CTNNA2: variants seen among roughly 807,000 people sequenced by gnomAD.
CTNNA2 encodes the protein catenin alpha 2.
CTNNA2 carries 42 observed loss-of-function variants against 101.0 expected under a neutral mutation model. The ratio of observed to expected loss-of-function variants is 0.42; its 90% CI spans 0.32 to 0.54. CTNNA2 has a LOEUF of 0.54. CTNNA2 is among the 20% of genes least tolerant of loss of function. The pLI, the probability that CTNNA2 is intolerant of heterozygous loss-of-function variation, is 0.14. For missense variants in CTNNA2, 871 were observed against 1,223.1 expected, an observed-to-expected ratio of 0.71 and a Z score of 4.29; for synonymous variants, 450 against 456.4, an observed-to-expected ratio of 0.99 and a Z score of 0.18.
intron 4 of CTNNA2, among the ~76,000 whole-genome samples, chr2:79,430,934 T>C (rs761787428): frequency 5.9e-5 from 9 of 152,194 alleles, no homozygotes; most frequent in Non-Finnish European, 1.2e-4. Context: ...AAAATTGTTG[T>C]ATTTTATTAC....
intron 1 of CTNNA2, among the ~76,000 whole-genome samples, chr2:79,602,754 G>T (rs919789171): frequency 3.9e-5 from 6 of 152,010 alleles, no homozygotes; most frequent in Non-Finnish European, 8.8e-5. Context: ...GCTAGCAAAA[G>T]TTTCATAAGA....
chr2:79,529,127 G>A (rs1324940339), intron 1 of CTNNA2, among the ~76,000 whole-genome samples: 1 of 152,164 alleles, frequency 6.6e-6, no homozygotes, highest in South Asian at 2.1e-4. Flanking sequence ...GGGAAAGCAT[G>A]AAGGTAGGAA....
chr2:79,687,625 T>A (rs961641658), intron 2 of CTNNA2: 34 of 684,012 alleles, frequency 5.0e-5, no homozygotes, highest in Non-Finnish European at 8.8e-5. Context: ...TTGCTGACTG[T>A]CATCTTGAAA....
chr2:79,963,900 C>T (rs1000906741), intron 7 of CTNNA2, among the ~76,000 whole-genome samples: 4 of 152,154 alleles, frequency 2.6e-5, no homozygotes, highest in Non-Finnish European at 5.9e-5. Context: ...GATGTCTAGC[C>T]ATGTTTCTAT....
intron 7 of CTNNA2, among the ~76,000 whole-genome samples, chr2:80,277,934 A>G (rs571204265): frequency 1.9e-3 from 283 of 152,200 alleles, no homozygotes; most frequent in African/African-American, 6.5e-3. Context: ...GGTTAAGCCA[A>G]CCTAATTCTT....
chr2:79,274,773 G>T (rs949202865), intron 2 of CTNNA2, among the ~76,000 whole-genome samples: 2 of 152,034 alleles, frequency 1.3e-5, no homozygotes, highest in South Asian at 4.1e-4. Flanking sequence ...TTTAAGCAAT[G>T]CAATATTGTT....
At chr2:79,244,044 G>A (rs1248187051) in intron 2 of CTNNA2, among the ~76,000 whole-genome samples, 1 of 152,144 alleles carries the variant, frequency 6.6e-6, no homozygotes. Context: ...TTTCACTGCT[G>A]TTTTATGCCC....
intron 6 of CTNNA2, among the ~76,000 whole-genome samples, chr2:79,908,583 C>T (rs942079361): frequency 1.3e-5 from 2 of 152,216 alleles, no homozygotes; most frequent in African/African-American, 2.4e-5. Context: ...CTAGACTTCA[C>T]ACAGTTAATG....
intron 3 of CTNNA2, among the ~76,000 whole-genome samples, chr2:79,794,913 C>T (rs1334517598): frequency 6.6e-6 from 1 of 152,116 alleles, no homozygotes; most frequent in African/African-American, 2.4e-5. Flanking sequence ...TTTTCATGTC[C>T]TATACCGGAA....
intron 2 of CTNNA2, among the ~76,000 whole-genome samples, chr2:79,696,619 C>A (rs543062201): frequency 6.6e-6 from 1 of 152,144 alleles, no homozygotes; most frequent in South Asian, 2.1e-4. Flanking sequence ...CCAGCACTTA[C>A]AATCTCACAT....
At position 79,769,310 on chromosome 2, in the gene CTNNA2, AG is replaced by A. The variant is rs1673405988; in HGVS notation, c.298+24731del. 2.0e-5 allele frequency among the ~76,000 whole-genome samples: 3 copies of A among 152,080 alleles called. No homozygotes were observed. The South Asian group carries it at 6.2e-4, about 32-fold the overall frequency. On this transcript the variant is annotated intron_variant, in intron 3 of 18. Transcript: ENST00000402739. ...GGGCATATTTGATCTTGAAAAATGG[AG>A]GGTCACTTAATCAATGCATTTTCCT...
chr2:80,457,523 C>G (rs983568782), intron 9 of CTNNA2, among the ~76,000 whole-genome samples: 1 of 152,014 alleles, frequency 6.6e-6, no homozygotes, highest in African/African-American at 2.4e-5. Flanking sequence ...ATACAATACA[C>G]TGTCTATATT....
chr2:79,292,877 C>G (rs139055791), intron 2 of CTNNA2: 1 of 152,244 alleles, frequency 6.6e-6, no homozygotes, highest in African/African-American at 2.4e-5. Context: ...CAGTATCACA[C>G]TGGGCTGAAC....
At chr2:80,098,827 G>A (rs1008623351) in intron 7 of CTNNA2, among the ~76,000 whole-genome samples, 2 of 152,182 alleles carry the variant, frequency 1.3e-5, no homozygotes, top group African/African-American at 2.4e-5. Context: ...ATAACCTCCT[G>A]GTGTGCCGTT....
At chr2:79,863,804 A>G (rs1681822729) in intron 4 of CTNNA2, among the ~76,000 whole-genome samples, 1 of 152,142 alleles carries the variant, frequency 6.6e-6, no homozygotes, top group South Asian at 2.1e-4. Context: ...CTTGATGACA[A>G]AGGAGTCACT....
chr2:79,428,907 A>G (rs1053411331), intron 4 of CTNNA2, among the ~76,000 whole-genome samples: 1 of 152,138 alleles, frequency 6.6e-6, no homozygotes, highest in Non-Finnish European at 1.5e-5. Flanking sequence ...CCAGCCTCTC[A>G]ATGATCCCAG....
chr2:79,260,159 T>C (rs1204478971), intron 2 of CTNNA2, among the ~76,000 whole-genome samples: 1 of 151,938 alleles, frequency 6.6e-6, no homozygotes, highest in East Asian at 1.9e-4. Context: ...GGGTGGAAGG[T>C]GTTCTAAGTG....
At chr2:80,488,101 G>A (rs932576735) in intron 9 of CTNNA2, among the ~76,000 whole-genome samples, 3 of 152,000 alleles carry the variant, frequency 2.0e-5, no homozygotes, top group Non-Finnish European at 2.9e-5. Flanking sequence ...TGCAATTTTC[G>A]AGTTTCCGAA....
At chr2:80,018,606 C>T (rs1466283260) in intron 7 of CTNNA2, among the ~76,000 whole-genome samples, 1 of 152,094 alleles carries the variant, frequency 6.6e-6, no homozygotes, top group Non-Finnish European at 1.5e-5. Flanking sequence ...GAAACCCTGT[C>T]TCTACTAAAC....
Sources: gnomAD v4.1 joint callset for allele counts (sites outside exome capture counted in the v4.1 genomes callset) on GRCh38, gnomAD v4.1.1 for gene constraint, MANE v1.5 for transcripts, NCBI Gene and HGNC (gene_info 2026-07-23, HGNC 2026-07-21) for gene names.